The following TRIM15 variants were observed in gnomAD, a reference collection of about 807,000 sequenced individuals.
The protein encoded by TRIM15 is tripartite motif containing 15.
TRIM15 carries 35 observed loss-of-function variants against 35.8 expected under a neutral mutation model. That is an observed-to-expected ratio of 0.98 (90% CI 0.75 to 1.30). The LOEUF is 1.30. TRIM15 is among the 50% of genes most tolerant of loss of function. The pLI, the probability that TRIM15 is intolerant of heterozygous loss-of-function variation, is 0.00. For missense variants in TRIM15, 590 were observed against 593.5 expected (o/e 0.99, Z 0.06); for synonymous variants, 252 against 249.8 (o/e 1.01, Z -0.08).
chr6:30,169,475 C>T, intron 4 of TRIM15: 1 of 705,214 alleles, frequency 1.4e-6, no homozygotes, highest in Admixed American at 2.0e-5. Flanking sequence ...GTATTGGGGA[C>T]ACATTTTTTC....
intron 5 of TRIM15, 78 bp downstream of exon 5, chr6:30,170,694 G>A (rs1216552466): frequency 1.7e-6 from 2 of 1,201,562 alleles, no homozygotes; most frequent in Non-Finnish European, 2.4e-6. Flanking sequence ...ATCCTTCTCT[G>A]CCCTTGAAAC....
chr6:30,167,379 T>A (rs1338936316), intron 2 of TRIM15, 108 bp downstream of exon 2: 1 of 887,428 alleles, frequency 1.1e-6, no homozygotes, highest in Non-Finnish European at 1.8e-6. Flanking sequence ...ACTGACAAAC[T>A]GTTCTCGTTC....
Position 30,170,563 on chromosome 6 carries a change from G to A in TRIM15, c.794G>A (p.Arg265His), listed in dbSNP as rs767118072. ...AISPDLVKKI[R>H]DFHRKILTLP... is the part of the protein sequence containing the mutation. ...TCTCCTGACCTTGTCAAGAAGATCC[G>A]TGATTTCCACAGGAAAATACTCACC... is the stretch of plus-strand genomic sequence containing the variant. The change falls in exon 5 of 7, where the codon CGT (arginine) becomes CAT (histidine). Residue 265 changes from arginine to histidine, a missense_variant. Arg to His is a conservative substitution (Grantham distance 29, BLOSUM62 0). Coordinates refer to ENST00000376694, the MANE Select transcript of TRIM15 (RefSeq NM_033229.3). The A allele has an allele frequency of 5.6e-6, 9 of 1,614,100 alleles. No homozygotes were observed. Among genetic ancestry groups the A allele is most frequent in the Admixed American group, 1.7e-5 (1 of 60,016 alleles).
chr6:30,168,505 A>G lies in TRIM15; in HGVS notation c.683A>G (p.Gln228Arg), dbSNP rs755879752. 3.6e-5 allele frequency: 57 copies of G among 1,603,418 alleles called. No homozygotes were observed. Among genetic ancestry groups the G allele is most frequent in the Non-Finnish European group, 4.3e-5 (50 of 1,174,830 alleles). The change falls in exon 3 of 7, where the codon CAG (glutamine) becomes CGG (arginine). Residue 228 changes from glutamine (Q) to arginine (R), a missense_variant. By Grantham distance (43) the Gln-to-Arg change is conservative. Coordinates refer to ENST00000376694, the MANE Select transcript of TRIM15 (RefSeq NM_033229.3). ...AQVKELEEKC[Q>R]QPASELLQDV... is the part of the protein sequence containing the mutation. ...GTCAAGGAGCTGGAGGAGAAGTGTC[A>G]GCAGCCAGCAAGTGAGCTTCTACAA...
At chr6:30,166,379 G>A (rs1773597519) in intron 1 of TRIM15, among the ~76,000 whole-genome samples, 1 of 152,118 alleles carries the variant, frequency 6.6e-6, no homozygotes, top group African/African-American at 2.4e-5. Flanking sequence ...CCCATTGCTT[G>A]TTTTTGTCAG....
rs774450486 is a variant in TRIM15, at chr6:30,171,021, G to A, written c.880+13G>A. On this transcript the variant is annotated intron_variant, in intron 6 of 6. Transcript: ENST00000376694. ...GAAATAGATTCAGGTAAACAGCTTG[G>A]GATTTGGGGAGTCATTCTTCCATTC... is the stretch of plus-strand genomic sequence containing the variant. The A allele has an allele frequency of 1.2e-6, 2 of 1,609,448 alleles. No homozygotes were observed. Among genetic ancestry groups the A allele is most frequent in the Non-Finnish European group, 1.7e-6 (2 of 1,178,378 alleles).
Position 30,172,054 on chromosome 6 carries a change from C to A in TRIM15, c.1103C>A (p.Ala368Asp). The change falls in exon 7 of 7, where the codon GCC becomes GAC. Residue 368 changes from alanine to aspartate, a missense_variant. Coordinates refer to ENST00000376694, the MANE Select transcript of TRIM15 (RefSeq NM_033229.3). ...GDGGGCTVGV[A>D]GEGVRRKGEM... The stretch of plus-strand genomic sequence containing the variant: ...GGCGGCGGCTGCACGGTGGGGGTGG[C>A]CGGGGAGGGGGTGAGGAGGAAGGGA... 1 of 1,569,206 alleles carries A rather than the reference C, an allele frequency of 6.4e-7. No homozygotes were observed. Among genetic ancestry groups the A allele is most frequent in the Non-Finnish European group, 8.6e-7 (1 of 1,157,410 alleles).
chr6:30,164,431 G>A (rs191287627), intron 1 of TRIM15, among the ~76,000 whole-genome samples: 106 of 152,278 alleles, frequency 7.0e-4, no homozygotes, highest in African/African-American at 2.4e-3. Context: ...GGGGTTTATA[G>A]GGCCCTGACT....
intron 1 of TRIM15, 83 bp downstream of exon 1, chr6:30,164,148 G>A (rs1773407085): frequency 1.3e-6 from 2 of 1,520,414 alleles, no homozygotes; most frequent in Non-Finnish European, 1.8e-6. Flanking sequence ...CGGGGATCTG[G>A]ATGAAAGGCT....
At chr6:30,165,150 A>G (rs1485291835) in intron 1 of TRIM15, among the ~76,000 whole-genome samples, 1 of 151,944 alleles carries the variant, frequency 6.6e-6, no homozygotes, top group African/African-American at 2.4e-5. Context: ...CATATGCAGA[A>G]CGTGCAGGTT....
In TRIM15 at chr6:30,171,904, A is replaced by T; in HGVS notation, c.953A>T (p.Tyr318Phe). 1 of 1,601,244 alleles carries T rather than the reference A, an allele frequency of 6.2e-7. No homozygotes were observed. The highest frequency in any genetic ancestry group is 8.5e-7 in the Non-Finnish European group (1 of 1,174,254). Residue 318 changes from tyrosine to phenylalanine, a missense_variant, in exon 7 of 7, where the codon TAC (tyrosine) becomes TTC (phenylalanine). Transcript: ENST00000376694. ...VLSEDRKSVR[Y>F]TRQKKSLPDS... Reference sequence around the variant, plus strand: ...TCGGAAGACAGGAAGTCAGTGAGGTACACCCGGCAGAAGAAGAGCCTGCCA... The same window carrying T: ...TCGGAAGACAGGAAGTCAGTGAGGTTCACCCGGCAGAAGAAGAGCCTGCCA...
chr6:30,167,310 T>C (rs1370432678), intron 2 of TRIM15, 39 bp downstream of exon 2: 1 of 1,560,406 alleles, frequency 6.4e-7, no homozygotes, highest in African/African-American at 1.4e-5. Context: ...CCTTTGAAGG[T>C]TTTCTTAAGA....
rs1389279934 is a variant in TRIM15 at position 30,172,424 on chromosome 6, G to C, written c.*75G>C. 1.1e-5 allele frequency: 16 copies of C among 1,520,532 alleles called. No individual in the cohort carries two copies. The highest frequency in any genetic ancestry group is 1.1e-5 in the Non-Finnish European group (13 of 1,139,670). 94.2% of individuals were successfully genotyped at this position (1,520,532 alleles called of 1,614,324 possible). A position where few individuals can be genotyped will look rare whatever the true frequency, so the allele number is the denominator to read the frequency against. ...CCAGCTCCGCCCCTGGCCAGTGTGCGGCCCGGGGGCTCCCTGTGCCCGCGT... is the reference window on the plus strand; with the variant it reads ...CCAGCTCCGCCCCTGGCCAGTGTGCCGCCCGGGGGCTCCCTGTGCCCGCGT... On this transcript the variant is annotated 3_prime_UTR_variant, in exon 7 of 7. Coordinates refer to ENST00000376694, the MANE Select transcript of TRIM15 (RefSeq NM_033229.3).
intron 2 of TRIM15, among the ~76,000 whole-genome samples, 154 bp from the exon 3 acceptor site, chr6:30,168,146 G>A (rs1239500570): frequency 1.3e-5 from 2 of 152,138 alleles, no homozygotes; most frequent in African/African-American, 2.4e-5. Flanking sequence ...AGTTCATCCT[G>A]AGACCTAACT....
Position 30,168,456 on chromosome 6 carries a change from GAAGTC to G in TRIM15, c.636_640del (p.Glu212AspfsTer20). 6.2e-7 allele frequency: 1 copy of G among 1,612,060 alleles called. No individual in the cohort carries two copies. Among genetic ancestry groups the G allele is most frequent in the Non-Finnish European group, 8.5e-7 (1 of 1,179,556 alleles). ...TGAATATATCACAAAGGTCTCTGAG[GAAGTC>G]ACCCGGCTTGGAGCCCAGGTCAAGG... On this transcript the variant is annotated frameshift_variant, in exon 3 of 7. Transcript: ENST00000376694. LOFTEE classifies it high-confidence loss of function.
At chr6:30,165,888 A>C (rs1773560626) in intron 1 of TRIM15, among the ~76,000 whole-genome samples, 1 of 152,190 alleles carries the variant, frequency 6.6e-6, no homozygotes, top group African/African-American at 2.4e-5. Flanking sequence ...TTTGTTGGCC[A>C]CATAAATGTC....
At chr6:30,167,140 T>C in intron 1 of TRIM15, 36 bp from the exon 2 acceptor site, 2 of 1,548,796 alleles carry the variant, frequency 1.3e-6, no homozygotes, top group Non-Finnish European at 1.8e-6. Flanking sequence ...AATTATTAAT[T>C]CAGTCACCTC....
chr6:30,168,584 G>A, intron 3 of TRIM15, 54 bp downstream of exon 3: 2 of 1,498,700 alleles, frequency 1.3e-6, no homozygotes, highest in East Asian at 2.4e-5. Context: ...ACGGGGAAGG[G>A]GGTGGGCACC....
chr6:30,167,337 G>A (rs968286158), intron 2 of TRIM15, 66 bp downstream of exon 2: 19 of 1,331,502 alleles, frequency 1.4e-5, no homozygotes, highest in African/African-American at 1.3e-4. Flanking sequence ...GGGGAAACCC[G>A]TTGGCTGGTA....
Sources: allele counts gnomAD v4.1 joint callset (sites outside exome capture counted in the v4.1 genomes callset), GRCh38; gene constraint gnomAD v4.1.1; transcripts MANE v1.5; gene names NCBI Gene and HGNC (gene_info 2026-07-23, HGNC 2026-07-21).